Variants in FRY observed in about 807,000 individuals in gnomAD.
The protein encoded by FRY is protein furry homolog.
Under a neutral mutation model 348.4 loss-of-function variants are expected in FRY, and 128 were observed. That is an observed-to-expected ratio of 0.37 (90% CI 0.32 to 0.43). The LOEUF (loss-of-function observed/expected upper bound fraction) is 0.43, where lower values mean the gene tolerates loss of function less well. Ranked by LOEUF, FRY falls within the 20% of genes least tolerant of loss-of-function variation. The pLI is 1.00. For synonymous variants in FRY, 1,370 were observed against 1,374.7 expected (o/e 1.00, Z 0.08); for missense variants, 2,736 against 3,695.2 (o/e 0.74, Z 6.73).
chr13:32,277,557 GC>G (rs1888590202), intron 57 of FRY, among the ~76,000 whole-genome samples: 1 of 152,178 alleles, frequency 6.6e-6, no homozygotes, highest in Non-Finnish European at 1.5e-5. Flanking sequence ...GGATTCAAAG[GC>G]CCACGCTCTT....
At chr13:32,141,917 G>GT (rs924809966) in intron 11 of FRY, among the ~76,000 whole-genome samples, 2 of 152,080 alleles carry the variant, frequency 1.3e-5, no homozygotes, top group African/African-American at 4.8e-5. Flanking sequence ...TTGAACAATT[G>GT]TATCAATGAA....
Position 32,299,107 on chromosome 13 carries a change from AAAT to A in FRY, c.*3651_*3653del, listed in dbSNP as rs2072109101. 1 of 152,194 alleles carries A rather than the reference AAAT, an allele frequency of 6.6e-6. No homozygotes were observed. Among genetic ancestry groups the A allele is most frequent in the Non-Finnish European group, 1.5e-5 (1 of 68,046 alleles). 9.4% of individuals were successfully genotyped at this position (152,194 alleles called of 1,614,324 possible). ...TGTTATATATGTTTTACCACAATAA[AAAT>A]AATTTTTTTAAAGGATCATTCTGGC... On this transcript the variant is annotated 3_prime_UTR_variant, in exon 61 of 61. Coordinates refer to ENST00000542859, the MANE Select transcript of FRY (RefSeq NM_023037.3).
rs773411071 is a variant in FRY at position 32,179,051 on chromosome 13, A to G, written c.2871+18A>G. 3.7e-6 allele frequency: 6 copies of G among 1,600,132 alleles called. No homozygotes were observed. In the African/African-American group the frequency reaches 4.0e-5, roughly 11 times the overall value. ...ATAACAAGGTGACATGACATGCTTC[A>G]GAAGAATTATTCTGTAAGGTTTTTT... On this transcript the variant is annotated intron_variant, in intron 22 of 60. Transcript: ENST00000542859.
In FRY at chr13:32,241,622, G is replaced by A. The variant is rs112725927; in HGVS notation, c.6687+1741G>A. ...TGTGAATGTACTTGAGAAAACAGGT[G>A]GAAAGAATTTGTGAAGATTTTATTA... is the stretch of plus-strand genomic sequence containing the variant. On this transcript the variant is annotated intron_variant, in intron 46 of 60. Transcript: ENST00000542859. 2.7e-3 allele frequency among the ~76,000 whole-genome samples: 411 copies of A among 152,226 alleles called. 1 individual carries two copies. The highest frequency in any genetic ancestry group is 9.7e-3 in the African/African-American group (403 of 41,520).
intron 10 of FRY, 100 bp from the exon 11 acceptor site, chr13:32,136,771 G>A (rs1879748594): frequency 2.5e-6 from 2 of 804,894 alleles, no homozygotes; most frequent in African/African-American, 1.7e-5. Context: ...TGCCCACAGG[G>A]CCCCCGAGGG....
chr13:32,257,850 C>A, intron 51 of FRY: 1 of 851,768 alleles, frequency 1.2e-6, no homozygotes, highest in Non-Finnish European at 2.0e-6. Flanking sequence ...ATATTGTTAG[C>A]ACTGTTGGTT....
intron 11 of FRY, among the ~76,000 whole-genome samples, chr13:32,145,886 C>T (rs1353132507): frequency 6.6e-6 from 1 of 152,160 alleles, no homozygotes; most frequent in Non-Finnish European, 1.5e-5. Context: ...AGCTGGTCTC[C>T]CTGCCTCTGC....
intron 1 of FRY, among the ~76,000 whole-genome samples, chr13:32,070,273 C>T (rs1043108372): frequency 2.6e-5 from 4 of 152,164 alleles, no homozygotes; most frequent in Non-Finnish European, 5.9e-5. Flanking sequence ...GTTCTAGATC[C>T]TTGAGGAATC....
intron 4 of FRY, among the ~76,000 whole-genome samples, chr13:32,122,697 C>T (rs191316913): frequency 7.9e-5 from 12 of 152,170 alleles, no homozygotes; most frequent in African/African-American, 2.9e-4. Context: ...AGCAATCAGA[C>T]AAGAGAAAGA....
rs1194356720 is a variant in FRY at position 32,050,046 on chromosome 13, CAGT to C, written c.70+18182_70+18184del. Among the ~76,000 whole-genome samples, 4 of 152,184 alleles carry C rather than the reference CAGT, an allele frequency of 2.6e-5. No homozygotes were observed. In the East Asian group the frequency reaches 7.7e-4, roughly 29 times the overall value. On this transcript the variant is annotated intron_variant, in intron 1 of 60. Coordinates refer to ENST00000542859, the MANE Select transcript of FRY (RefSeq NM_023037.3). ...ATTGATTTAATATTCCAAATTAACA[CAGT>C]GGTGTTGTATAGCTGCTATGTAAAG...
chr13:32,092,634 C>T (rs563813732), intron 2 of FRY, among the ~76,000 whole-genome samples: 29 of 152,318 alleles, frequency 1.9e-4, no homozygotes, highest in African/African-American at 6.7e-4. Context: ...CTGCAGAATT[C>T]TTCAGCGCAG....
At chr13:32,078,474 C>T (rs1000272495) in intron 1 of FRY, among the ~76,000 whole-genome samples, 1 of 152,082 alleles carries the variant, frequency 6.6e-6, no homozygotes, top group Non-Finnish European at 1.5e-5. Context: ...CTTTTTTTCC[C>T]ATATATGTTT....
chr13:32,182,380 C>A (rs376899372), intron 23 of FRY, among the ~76,000 whole-genome samples: 1 of 152,092 alleles, frequency 6.6e-6, no homozygotes, highest in East Asian at 1.9e-4. Context: ...TAGTACTTGC[C>A]ATACAGAATT....
chr13:32,081,198 G>A (rs1414102686), intron 2 of FRY, among the ~76,000 whole-genome samples: 1 of 152,142 alleles, frequency 6.6e-6, no homozygotes, highest in African/African-American at 2.4e-5. Context: ...AAATTTTTAA[G>A]TGTAAGTTCT....
At chr13:32,267,059 T>C (rs758705870) in intron 54 of FRY, 111 bp from the exon 55 acceptor site, 2 of 918,780 alleles carry the variant, frequency 2.2e-6, no homozygotes, top group Admixed American at 1.8e-5. Context: ...AAAGGAAGAG[T>C]GGGTAGAATA....
intron 31 of FRY, among the ~76,000 whole-genome samples, chr13:32,207,742 G>A (rs1186385011): frequency 2.6e-5 from 4 of 152,170 alleles, no homozygotes; most frequent in Admixed American, 2.0e-4. Context: ...TTTAATTTTA[G>A]GAAAAGGGCC....
At chr13:32,085,886 C>T (rs377340561) in intron 2 of FRY, 2 of 518,892 alleles carry the variant, frequency 3.9e-6, no homozygotes, top group African/African-American at 3.8e-5. Flanking sequence ...TTCAGCAGAC[C>T]TGGTCTTAGC....
At chr13:32,040,451 T>C (rs773766607) in intron 1 of FRY, among the ~76,000 whole-genome samples, 1 of 152,224 alleles carries the variant, frequency 6.6e-6, no homozygotes, top group Non-Finnish European at 1.5e-5. Flanking sequence ...AACATCATGA[T>C]ATTCATCAGT....
intron 1 of FRY, among the ~76,000 whole-genome samples, chr13:32,048,661 G>A (rs1873155564): frequency 6.6e-6 from 1 of 152,116 alleles, no homozygotes; most frequent in African/African-American, 2.4e-5. Context: ...CAAATTGGAA[G>A]GAAACCATGC....
Sources: allele counts gnomAD v4.1 joint callset (sites outside exome capture counted in the v4.1 genomes callset), GRCh38; gene constraint gnomAD v4.1.1; transcripts MANE v1.5; gene names NCBI Gene and HGNC (gene_info 2026-07-23, HGNC 2026-07-21).